Variants in SCAI observed in about 807,000 individuals in gnomAD.
SCAI encodes the protein suppressor of cancer cell invasion.
A neutral mutation model predicts 92.2 loss-of-function variants in SCAI; 24 were observed. That is an observed-to-expected ratio of 0.26 (90% confidence interval 0.19 to 0.37). SCAI has a LOEUF of 0.37. Among genes scored for constraint, SCAI ranks in the 10% least tolerant of loss-of-function variants. The pLI is 1.00. For synonymous variants in SCAI, 261 were observed against 258.6 expected (o/e 1.01, Z -0.09); for missense variants, 450 against 736.2 (o/e 0.61, Z 4.50).
At chr9:125,065,882 T>C (rs1410521818) in intron 2 of SCAI, 10 of 620,636 alleles carry the variant, frequency 1.6e-5, no homozygotes, top group Non-Finnish European at 2.9e-5. Flanking sequence ...AATTTAACAT[T>C]GGCTCACAAT....
At chr9:125,061,969 A>G (rs1833776268) in intron 2 of SCAI, among the ~76,000 whole-genome samples, 1 of 152,024 alleles carries the variant, frequency 6.6e-6, no homozygotes, top group Non-Finnish European at 1.5e-5. Flanking sequence ...AAATGAAGAT[A>G]TGTATGTGTT....
chr9:125,087,857 G>T (rs1192089177), intron 2 of SCAI, among the ~76,000 whole-genome samples: 1 of 152,150 alleles, frequency 6.6e-6, no homozygotes, highest in Admixed American at 6.6e-5. Context: ...CAGATTAAAT[G>T]ATGTGATACC....
intron 2 of SCAI, among the ~76,000 whole-genome samples, chr9:125,129,465 T>C (rs1354944780): frequency 7.7e-6 from 1 of 130,574 alleles, no homozygotes; most frequent in Non-Finnish European, 1.7e-5. Context: ...TTTTTTTTTT[T>C]TTTTTTTTTT....
chr9:125,023,668 TAA>T (rs571312481), intron 6 of SCAI, among the ~76,000 whole-genome samples: 3 of 139,574 alleles, frequency 2.1e-5, no homozygotes, highest in African/African-American at 5.3e-5. Flanking sequence ...TTTGAAAATG[TAA>T]AAAAAAAAAA....
Position 124,971,415 on chromosome 9 carries a change from T to C in SCAI, c.1629A>G (p.Arg543=), listed in dbSNP as rs913018736. The part of the protein sequence containing the change: ...GDEFLRLLLT[R]FIFCSATMRM... ...TCATGGTGGCTGAACAAAAGATAAA[T>C]CTTGTGAGGAGCAAGCGAAGAAATT... The change falls in exon 17 of 18, where the codon AGA becomes AGG. Residue 543 remains arginine, a synonymous_variant. Coordinates refer to ENST00000336505, the MANE Select transcript of SCAI (RefSeq NM_001144877.3). 8 of 1,612,988 alleles carry C rather than the reference T, an allele frequency of 5.0e-6. No homozygotes were observed. Among genetic ancestry groups the C allele is most frequent in the Non-Finnish European group, 6.8e-6 (8 of 1,179,740 alleles).
intron 3 of SCAI, among the ~76,000 whole-genome samples, chr9:125,046,162 C>T (rs10986525): frequency 0.013 from 1,509 of 114,182 alleles, 94 homozygotes; most frequent in Admixed American, 0.1. Context: ...AGCCCAAGTG[C>T]CCATCAATCA....
At chr9:125,090,239 T>C (rs889985264) in intron 2 of SCAI, among the ~76,000 whole-genome samples, 14 of 152,142 alleles carry the variant, frequency 9.2e-5, no homozygotes, top group Non-Finnish European at 2.1e-4. Flanking sequence ...CTCTGCCTTA[T>C]GCAAGATAGG....
intron 2 of SCAI, among the ~76,000 whole-genome samples, chr9:125,072,115 C>A (rs1314189306): frequency 6.6e-6 from 1 of 151,900 alleles, no homozygotes; most frequent in Non-Finnish European, 1.5e-5. Flanking sequence ...CCTCTGCCTC[C>A]CAGGTTCAAG....
chr9:125,109,653 T>TTATCTATCTATCTATC (rs61141143), intron 2 of SCAI, among the ~76,000 whole-genome samples: 30 of 147,834 alleles, frequency 2.0e-4, no homozygotes, highest in South Asian at 4.3e-4. Flanking sequence ...AGGTTTCCAT[T>TTATCTATCTATCTATC]TATCTATCTA....
At chr9:125,115,199 C>A (rs1033676541) in intron 2 of SCAI, among the ~76,000 whole-genome samples, 1 of 151,626 alleles carries the variant, frequency 6.6e-6, no homozygotes, top group South Asian at 2.1e-4. Context: ...GATGAAACCC[C>A]GTCTCTACTA....
intron 7 of SCAI, among the ~76,000 whole-genome samples, chr9:125,020,204 G>T (rs2131073148): frequency 6.6e-6 from 1 of 152,158 alleles, no homozygotes; most frequent in Middle Eastern, 3.4e-3. Context: ...AATATGCAAT[G>T]ATTACAGGTA....
chr9:125,092,046 C>T (rs527799741), intron 2 of SCAI, among the ~76,000 whole-genome samples: 18 of 145,592 alleles, frequency 1.2e-4, no homozygotes, highest in African/African-American at 2.2e-4. Flanking sequence ...AGGAGAATGG[C>T]GTGAACCCAG....
At chr9:125,141,385 C>A (rs16927895) in intron 2 of SCAI, among the ~76,000 whole-genome samples, 6,325 of 152,232 alleles carry the variant, frequency 0.042, 349 homozygotes, top group East Asian at 0.23. Context: ...CTACTGGTCA[C>A]ATAACTACAG....
At chr9:125,082,413 A>G (rs1252875210) in intron 2 of SCAI, among the ~76,000 whole-genome samples, 2 of 152,242 alleles carry the variant, frequency 1.3e-5, no homozygotes, top group African/African-American at 4.8e-5. Flanking sequence ...CTGCTAAGGC[A>G]GTTCAGAAAG....
rs1160755397 is a variant in SCAI, at chr9:124,949,466, T to C, written c.*3341A>G. The C allele has an allele frequency of 6.6e-6, 1 of 152,298 alleles. No homozygotes were observed. The allele number at this position is 152,298 out of a possible 1,614,324, so 9.4% of individuals were successfully genotyped here. A position where few individuals can be genotyped will look rare whatever the true frequency, so the allele number is the denominator to read the frequency against. On this transcript the variant is annotated 3_prime_UTR_variant, in exon 18 of 18. Transcript: ENST00000336505. The surrounding 1 kb of genome is among the most constrained non-coding windows in gnomAD (Gnocchi z 4.0). ...GAAGCCTACCCTGATCATCACTTTT[T>C]CTTTTCTTTTTTTCCAGAGACGAGG...
intron 2 of SCAI, among the ~76,000 whole-genome samples, chr9:125,103,097 G>A (rs1318286965): frequency 1.3e-5 from 2 of 152,030 alleles, no homozygotes; most frequent in African/African-American, 4.8e-5. Flanking sequence ...CAGTTCAATG[G>A]TTTCCTCAGA....
chr9:124,980,326 C>T (rs1300586604), intron 14 of SCAI, among the ~76,000 whole-genome samples: 5 of 150,880 alleles, frequency 3.3e-5, no homozygotes, highest in African/African-American at 4.9e-5. Flanking sequence ...TTTTTTTCCC[C>T]CAATAATACT....
intron 17 of SCAI, among the ~76,000 whole-genome samples, chr9:124,961,649 CA>C (rs34369784): frequency 7.7e-4 from 92 of 119,858 alleles, no homozygotes; most frequent in African/African-American, 1.0e-3. Flanking sequence ...GACTCCATCT[CA>C]AAAAAAAAAA....
At chr9:124,973,472 T>A (rs1165102333) in intron 15 of SCAI, among the ~76,000 whole-genome samples, 2 of 150,548 alleles carry the variant, frequency 1.3e-5, no homozygotes, top group Non-Finnish European at 3.0e-5. Flanking sequence ...CCAAGGTGGG[T>A]GGATCACTTG....
Sources: gnomAD v4.1 joint callset for allele counts (sites outside exome capture counted in the v4.1 genomes callset) on GRCh38, gnomAD v4.1.1 for gene constraint, Gnocchi (gnomAD v3.1) non-coding constraint, MANE v1.5 for transcripts, NCBI Gene and HGNC (gene_info 2026-07-23, HGNC 2026-07-21) for gene names.